The following FANCD2 variants were observed in gnomAD, a reference collection of about 807,000 sequenced individuals.
FANCD2 encodes Fanconi anemia group D2 protein.
In FANCD2, 131 loss-of-function variants were observed where a neutral mutation model predicts 192.3. That is an observed-to-expected ratio of 0.68 (90% CI 0.59 to 0.79). The LOEUF (loss-of-function observed/expected upper bound fraction) is 0.79. Ranked by LOEUF, FANCD2 falls within the 30% of genes least tolerant of loss-of-function variation. FANCD2 has a pLI of 0.00. For missense variants in FANCD2, 1,508 were observed against 1,701.6 expected, an observed-to-expected ratio of 0.89 and a Z score of 2.00; for synonymous variants, 524 against 612.5, an observed-to-expected ratio of 0.86 and a Z score of 2.13.
intron 43 of FANCD2, among the ~76,000 whole-genome samples, chr3:10,100,018 T>G (rs1695209539): frequency 6.6e-6 from 1 of 151,702 alleles, no homozygotes; most frequent in Non-Finnish European, 1.5e-5. Context: ...ACCCCATCTC[T>G]ACAGAAAAAA....
Position 10,094,343 on chromosome 3 carries a change from T to A in FANCD2, c.3943T>A (p.Phe1315Ile). 6.2e-7 allele frequency: 1 copy of A among 1,613,956 alleles called. No homozygotes were observed. Among genetic ancestry groups the A allele is most frequent in the Non-Finnish European group, 8.5e-7 (1 of 1,179,854 alleles). ...FLKQCMPLLD[F>I]SFRKHREDVL... ...GAAGCAATGTATGCCGCTCCTAGACTTCAGTTTTAGAAAACACCGGGTAAG... is the reference window on the plus strand; with the variant it reads ...GAAGCAATGTATGCCGCTCCTAGACATCAGTTTTAGAAAACACCGGGTAAG... Residue 1315 changes from phenylalanine to isoleucine, a missense_variant, in exon 40 of 44, where the codon TTC becomes ATC. Phe to Ile is a conservative substitution (Grantham distance 21). This residue lies in a region of FANCD2 where 796 missense variants were observed against 879.4 expected (regional missense o/e 0.91). Transcript: ENST00000675286.
At chr3:10,036,406 C>T in intron 7 of FANCD2, 67 bp downstream of exon 7, 1 of 1,187,642 alleles carries the variant, frequency 8.4e-7, no homozygotes, top group Non-Finnish European at 1.3e-6. Flanking sequence ...GAAAAGGTTA[C>T]TCTGAAAACT....
intron 40 of FANCD2, 151 bp from the exon 41 acceptor site, chr3:10,095,049 C>G (rs1213982391): frequency 4.3e-6 from 3 of 693,386 alleles, no homozygotes; most frequent in Non-Finnish European, 7.8e-6. Flanking sequence ...GCTGCTATTC[C>G]TCCTATTTGA....
At chr3:10,071,139 G>GAAAAAAAAAAAAAAAAAAAA (rs1210612879) in intron 26 of FANCD2, among the ~76,000 whole-genome samples, 1 of 115,480 alleles carries the variant, frequency 8.7e-6, no homozygotes, top group Non-Finnish European at 1.8e-5. Context: ...AAAAAAAAAA[G>GAAAAAAAAAAAAAAAAAAAA]AAAAAAAGAA....
At chr3:10,069,524 C>T (rs2087818822) in intron 26 of FANCD2, among the ~76,000 whole-genome samples, 1 of 144,896 alleles carries the variant, frequency 6.9e-6, no homozygotes, top group South Asian at 2.3e-4. Flanking sequence ...CAAAGCTGGA[C>T]TGTACTGCTG....
intron 32 of FANCD2, among the ~76,000 whole-genome samples, chr3:10,083,988 T>TC (rs1234398020): frequency 6.6e-6 from 1 of 151,654 alleles, no homozygotes; most frequent in Non-Finnish European, 1.5e-5. Context: ...TAAACTTGTT[T>TC]CCCATGCTTT....
At chr3:10,097,232 C>T (rs981126560) in intron 42 of FANCD2, among the ~76,000 whole-genome samples, 6 of 152,146 alleles carry the variant, frequency 3.9e-5, no homozygotes, top group African/African-American at 1.4e-4. Flanking sequence ...GTTTTGGGCA[C>T]CACTGTCATT....
chr3:10,075,697 A>G (rs1446619574), intron 29 of FANCD2, among the ~76,000 whole-genome samples: 1 of 149,572 alleles, frequency 6.7e-6, no homozygotes, highest in Non-Finnish European at 1.5e-5. Context: ...ATTTACACGA[A>G]TGTAGGTACC....
At chr3:10,045,849 C>T (rs1319966874) in intron 14 of FANCD2, 3 of 152,030 alleles carry the variant, frequency 2.0e-5, no homozygotes, top group Admixed American at 6.6e-5. Flanking sequence ...ATCCACCCAT[C>T]TCGGCCTCCC....
intron 19 of FANCD2, among the ~76,000 whole-genome samples, chr3:10,061,930 T>C (rs1309036786): frequency 8.2e-6 from 1 of 121,692 alleles, no homozygotes; most frequent in Non-Finnish European, 1.6e-5. Context: ...TGAGAACACA[T>C]GGACACAGGA....
Position 10,064,894 on chromosome 3 carries a change from T to G in FANCD2, c.2168+19T>G. On this transcript the variant is annotated intron_variant, in intron 23 of 43. Coordinates refer to ENST00000675286, the MANE Select transcript of FANCD2 (RefSeq NM_001018115.3). Reference sequence around the variant, plus strand: ...GCCAAAAGTCAGTATAGTTTTTCTTTTCTAAACCTGTTAGTGTTTTGAATG... The same window carrying G: ...GCCAAAAGTCAGTATAGTTTTTCTTGTCTAAACCTGTTAGTGTTTTGAATG... 2 of 1,613,500 alleles carry G rather than the reference T, an allele frequency of 1.2e-6. No individual in the cohort carries two copies. Among genetic ancestry groups the G allele is most frequent in the Non-Finnish European group, 1.7e-6 (2 of 1,179,410 alleles).
rs530083489 is a variant in FANCD2 at position 10,070,382 on chromosome 3, G to A, written c.2495-2489G>A. 5.0e-4 allele frequency among the ~76,000 whole-genome samples: 67 copies of A among 133,644 alleles called. 1 individual carries two copies. The highest frequency in any genetic ancestry group is 8.5e-4 in the Non-Finnish European group (53 of 62,368). The allele number at this position is 133,644 out of a possible 152,430, so 87.7% of individuals were successfully genotyped here. On this transcript the variant is annotated intron_variant, in intron 26 of 43. Transcript: ENST00000675286. ...GCCCCGTCCGGGAGGGAGGTCAGGG[G>A]GTCAGCCCCCCGCCCGGCCAGCTGC...
chr3:10,055,920 C>T (rs1232554037), intron 18 of FANCD2, among the ~76,000 whole-genome samples: 2 of 151,964 alleles, frequency 1.3e-5, no homozygotes, highest in Non-Finnish European at 2.9e-5. Flanking sequence ...ACTCTGTCGC[C>T]CAGGCTTGAG....
chr3:10,035,864 G>T (rs924851845), intron 6 of FANCD2, among the ~76,000 whole-genome samples: 3 of 151,840 alleles, frequency 2.0e-5, no homozygotes, highest in Non-Finnish European at 4.4e-5. Flanking sequence ...TGCATTTTGT[G>T]GATTAACAGT....
rs760427946 is a variant in FANCD2, at chr3:10,042,143, C to G, written c.784-416C>G. On this transcript the variant is annotated intron_variant, in intron 10 of 43. Coordinates refer to ENST00000675286, the MANE Select transcript of FANCD2 (RefSeq NM_001018115.3). ...GAACTCCGGACCTTGTTTTCCACCC[C>G]CCTCGGCCTCCCAAAGTGCTGGGAT... is the stretch of plus-strand genomic sequence containing the variant. Among the ~76,000 whole-genome samples the G allele has an allele frequency of 3.9e-5, 6 of 152,052 alleles. No individual in the cohort carries two copies. The East Asian group carries it at 7.7e-4, about 20-fold the overall frequency.
chr3:10,055,945 C>T (rs1320057531), intron 18 of FANCD2, among the ~76,000 whole-genome samples: 4 of 152,180 alleles, frequency 2.6e-5, no homozygotes, highest in Non-Finnish European at 4.4e-5. Context: ...ATGGCACAAT[C>T]TTGGCTTACC....
At chr3:10,052,309 A>C (rs1371906248) in intron 17 of FANCD2, 78 bp from the exon 18 acceptor site, 1 of 933,348 alleles carries the variant, frequency 1.1e-6, no homozygotes, top group Non-Finnish European at 1.8e-6. Flanking sequence ...TGTCTCTTTT[A>C]CAGGGATTTT....
chr3:10,072,249 A>C (rs1450053027), intron 26 of FANCD2, among the ~76,000 whole-genome samples: 3 of 151,254 alleles, frequency 2.0e-5, no homozygotes, highest in African/African-American at 4.9e-5. Context: ...AAAATATCTC[A>C]TGTGCGCCAT....
intron 17 of FANCD2, among the ~76,000 whole-genome samples, 180 bp downstream of exon 17, chr3:10,049,685 G>A (rs543989485): frequency 3.3e-5 from 5 of 152,302 alleles, no homozygotes; most frequent in African/African-American, 1.2e-4. Context: ...TATTCTGGGT[G>A]CTGTGAATGT....
Sources: gnomAD v4.1 joint callset for allele counts (sites outside exome capture counted in the v4.1 genomes callset) on GRCh38, gnomAD v4.1.1 for gene constraint, gnomAD v4.1.1 regional missense constraint, MANE v1.5 for transcripts, NCBI Gene and HGNC (gene_info 2026-07-23, HGNC 2026-07-21) for gene names.